RBFOX1: variants seen among roughly 807,000 people sequenced by gnomAD.
The protein encoded by RBFOX1 is RNA binding fox-1 homolog 1.
In RBFOX1, 8 loss-of-function variants were observed where a neutral mutation model predicts 57.7. The ratio of observed to expected loss-of-function variants is 0.14; its 90% confidence interval spans 0.08 to 0.25. RBFOX1 has a LOEUF of 0.25. RBFOX1 is among the 10% of genes least tolerant of loss of function. RBFOX1 has a pLI of 1.00. For missense variants in RBFOX1, 611 were observed against 548.5 expected (o/e 1.11, Z -1.14); for synonymous variants, 326 against 222.4 (o/e 1.47, Z -4.15).
chr16:6,733,580 T>C (rs2069230236), intron 3 of RBFOX1, among the ~76,000 whole-genome samples: 1 of 152,144 alleles, frequency 6.6e-6, no homozygotes, highest in South Asian at 2.1e-4. Flanking sequence ...TAGCCTGCAG[T>C]AGTTAAAAAC....
intron 3 of RBFOX1, among the ~76,000 whole-genome samples, chr16:6,749,420 G>C (rs1299830374): frequency 3.9e-5 from 6 of 152,156 alleles, no homozygotes; most frequent in Non-Finnish European, 8.8e-5. Flanking sequence ...CCTGGTTCTT[G>C]CTGTTACGGT....
chr16:5,327,079 C>T (rs751423792), intron 1 of RBFOX1, among the ~76,000 whole-genome samples: 11 of 152,268 alleles, frequency 7.2e-5, no homozygotes, highest in Middle Eastern at 3.4e-3. Flanking sequence ...ACAAGGAGAT[C>T]GGTAGTTCTG....
rs140787810 is a variant in RBFOX1, at chr16:7,314,518, T to C, written c.28-203629T>C. Among the ~76,000 whole-genome samples the C allele has an allele frequency of 9.6e-4, 146 of 152,308 alleles. 2 individuals are homozygous for C. In the East Asian group the frequency reaches 0.026, roughly 27 times the overall value. On this transcript the variant is annotated intron_variant, in intron 4 of 15. Coordinates refer to ENST00000550418, the MANE Select transcript of RBFOX1 (RefSeq NM_018723.4). ...TCACTTAGACACATTTTCATTGCCT[T>C]TCTGTAAAGAATGAATGAAGAACGG...
intron 1 of RBFOX1, among the ~76,000 whole-genome samples, chr16:6,088,540 C>CCTT (rs933298461): frequency 1.3e-5 from 2 of 151,708 alleles, no homozygotes; most frequent in African/African-American, 4.8e-5. Context: ...CTCCTTCCTT[C>CCTT]CTTCCTTCTG....
intron 2 of RBFOX1, among the ~76,000 whole-genome samples, chr16:6,481,017 A>G (rs1036806305): frequency 7.2e-5 from 11 of 152,190 alleles, no homozygotes; most frequent in African/African-American, 2.7e-4. Context: ...CCACAAATGT[A>G]TCTTGTGCAT....
chr16:6,956,975 C>T (rs1161334792), intron 3 of RBFOX1, among the ~76,000 whole-genome samples: 1 of 151,472 alleles, frequency 6.6e-6, no homozygotes, highest in Non-Finnish European at 1.5e-5. Flanking sequence ...GAATTCAGGG[C>T]AAGTCTGCAG....
chr16:6,635,867 G>A (rs750777724), intron 2 of RBFOX1, among the ~76,000 whole-genome samples: 15 of 152,036 alleles, frequency 9.9e-5, no homozygotes, highest in Non-Finnish European at 2.1e-4. Context: ...CAAAATGTTC[G>A]AGACCAGAGG....
chr16:6,148,887 C>G (rs1275390175), intron 1 of RBFOX1, among the ~76,000 whole-genome samples: 1 of 152,064 alleles, frequency 6.6e-6, no homozygotes, highest in African/African-American at 2.4e-5. Flanking sequence ...AGTATTTCCA[C>G]CCCCCTCCCT....
chr16:5,368,287 C>T (rs1317704519), intron 1 of RBFOX1, among the ~76,000 whole-genome samples: 1 of 152,172 alleles, frequency 6.6e-6, no homozygotes, highest in African/African-American at 2.4e-5. Flanking sequence ...GCATTTTCAT[C>T]TCTAGGTTTT....
chr16:6,604,834 A>T (rs1229602409), intron 2 of RBFOX1, among the ~76,000 whole-genome samples: 1 of 152,114 alleles, frequency 6.6e-6, no homozygotes, highest in African/African-American at 2.4e-5. Context: ...TGAATAGATG[A>T]CTTCATAAAA....
chr16:7,211,293 G>A (rs889447571), intron 4 of RBFOX1, among the ~76,000 whole-genome samples: 3 of 150,658 alleles, frequency 2.0e-5, no homozygotes, highest in Non-Finnish European at 1.5e-5. Flanking sequence ...TCGGGAGGCT[G>A]AGGCAGGAGA....
At chr16:5,764,148 G>C (rs2053690789) in intron 3 of RBFOX1, among the ~76,000 whole-genome samples, 1 of 85,576 alleles carries the variant, frequency 1.2e-5, no homozygotes, top group African/African-American at 3.3e-5. Flanking sequence ...TGGGGCAGTA[G>C]GGTGTGGGTA....
chr16:6,482,454 TAAC>T (rs1034068589), intron 2 of RBFOX1, among the ~76,000 whole-genome samples: 30 of 152,224 alleles, frequency 2.0e-4, no homozygotes, highest in African/African-American at 7.0e-4. Context: ...TCATTCCTAT[TAAC>T]AACAGCAACA....
At chr16:7,480,420 G>A (rs17143777) in intron 4 of RBFOX1, among the ~76,000 whole-genome samples, 26 of 152,240 alleles carry the variant, frequency 1.7e-4, no homozygotes, top group Non-Finnish European at 2.4e-4. Context: ...AAAATTTCTC[G>A]TTTCCACAAA....
chr16:6,124,852 A>G lies in RBFOX1; in HGVS notation c.-127+104860A>G, dbSNP rs187438712. On this transcript the variant is annotated intron_variant, in intron 1 of 15. Coordinates refer to ENST00000550418, the MANE Select transcript of RBFOX1 (RefSeq NM_018723.4). The stretch of plus-strand genomic sequence containing the variant: ...GCCAATTCAATTTTTTAATACATCC[A>G]ATTATTTTTTAAAAATAGCCCAAAC... 2.0e-5 allele frequency among the ~76,000 whole-genome samples: 3 copies of G among 152,228 alleles called. No individual in the cohort carries two copies. The East Asian group carries it at 5.8e-4, about 29-fold the overall frequency.
At chr16:7,353,720 G>A (rs1349592258) in intron 4 of RBFOX1, among the ~76,000 whole-genome samples, 3 of 152,170 alleles carry the variant, frequency 2.0e-5, no homozygotes, top group Non-Finnish European at 4.4e-5. Flanking sequence ...ACTACATATT[G>A]TATGATTCGA....
At chr16:6,576,471 A>G (rs541892116) in intron 2 of RBFOX1, among the ~76,000 whole-genome samples, 2 of 152,238 alleles carry the variant, frequency 1.3e-5, no homozygotes, top group Admixed American at 1.3e-4. Context: ...TTATTCGAAG[A>G]CCTGCTGTAC....
At chr16:7,669,327 G>T (rs1405023873) in intron 13 of RBFOX1, among the ~76,000 whole-genome samples, 3 of 152,102 alleles carry the variant, frequency 2.0e-5, no homozygotes, top group African/African-American at 7.2e-5. Context: ...TATAGCATTT[G>T]ATCAAAAGAT....
Position 7,232,854 on chromosome 16 carries a change from T to TTA in RBFOX1, c.27+180756_27+180757insTA, listed in dbSNP as rs71391608. Among the ~76,000 whole-genome samples the TTA allele has an allele frequency of 2.3e-5, 3 of 128,680 alleles. No homozygotes were observed. In the East Asian group the frequency reaches 6.9e-4, roughly 29 times the overall value. 84.4% of individuals were successfully genotyped at this position (128,680 alleles called of 152,430 possible). A position where few individuals can be genotyped will look rare whatever the true frequency, so the allele number is the denominator to read the frequency against. ...CAAGAGTGAAACTTCATCTCTTAAT[T>TTA]AAAAAAAAAAAAAAAAAGAATGAGG... On this transcript the variant is annotated intron_variant, in intron 4 of 15. Transcript: ENST00000550418.
Sources: gnomAD v4.1 joint callset for allele counts (sites outside exome capture counted in the v4.1 genomes callset) on GRCh38, gnomAD v4.1.1 for gene constraint, MANE v1.5 for transcripts, NCBI Gene and HGNC (gene_info 2026-07-23, HGNC 2026-07-21) for gene names.